FANCL: variants seen among roughly 807,000 people sequenced by gnomAD.
The protein encoded by FANCL is E3 ubiquitin-protein ligase FANCL.
Under a neutral mutation model 59.4 loss-of-function variants are expected in FANCL, and 69 were observed. The ratio of observed to expected loss-of-function variants is 1.16; its 90% CI spans 0.96 to 1.42. FANCL has a LOEUF of 1.42. Among genes scored for constraint, FANCL ranks in the 40% most tolerant of loss-of-function variants. FANCL has a pLI of 0.00. For synonymous variants in FANCL, 180 were observed against 147.1 expected (o/e 1.22, Z -1.62); for missense variants, 519 against 447.2 (o/e 1.16, Z -1.45).
intron 5 of FANCL, among the ~76,000 whole-genome samples, chr2:58,218,984 C>T (rs938776393): frequency 1.3e-5 from 2 of 150,116 alleles, no homozygotes; most frequent in African/African-American, 2.4e-5. Flanking sequence ...GAAACAACAA[C>T]ACACCAATAG....
intron 7 of FANCL, among the ~76,000 whole-genome samples, chr2:58,184,832 G>A (rs1288092299): frequency 6.6e-6 from 1 of 152,028 alleles, no homozygotes; most frequent in South Asian, 2.1e-4. Context: ...CCCAAAACGG[G>A]AGGAAACATC....
chr2:58,174,877 T>C (rs779180336), intron 7 of FANCL, among the ~76,000 whole-genome samples: 1 of 152,016 alleles, frequency 6.6e-6, no homozygotes, highest in African/African-American at 2.4e-5. Context: ...ATCAACAAAA[T>C]TGATAGACCG....
At chr2:58,233,159 T>C (rs976473782) in intron 1 of FANCL, among the ~76,000 whole-genome samples, 3 of 152,092 alleles carry the variant, frequency 2.0e-5, no homozygotes, top group Non-Finnish European at 2.9e-5. Context: ...AGGTATTATG[T>C]AGTAACTTTA....
intron 5 of FANCL, among the ~76,000 whole-genome samples, chr2:58,217,132 T>TCCATCTGCAGTGAAACACTA (rs1367350044): frequency 9.2e-6 from 1 of 109,222 alleles, no homozygotes; most frequent in Admixed American, 1.1e-4. Flanking sequence ...TATATATATT[T>TCCATCTGCAGTGAAACACTA]TTATATATAG....
intron 4 of FANCL, 121 bp from the exon 5 acceptor site, chr2:58,222,163 A>G (rs779229028): frequency 2.3e-5 from 16 of 706,666 alleles, no homozygotes; most frequent in Non-Finnish European, 3.9e-5. Flanking sequence ...CTGTTTTTTT[A>G]CGGAAATCTG....
At chr2:58,221,566 A>G (rs1313298257) in intron 5 of FANCL, among the ~76,000 whole-genome samples, 1 of 152,208 alleles carries the variant, frequency 6.6e-6, no homozygotes, top group African/African-American at 2.4e-5. Context: ...GCCAAATTGT[A>G]TATTAACCAA....
chr2:58,231,901 T>C (rs971657004), intron 2 of FANCL, among the ~76,000 whole-genome samples, 153 bp downstream of exon 2: 2 of 152,162 alleles, frequency 1.3e-5, no homozygotes, highest in East Asian at 1.9e-4. Context: ...AAATGCTGCA[T>C]TGGTTTGGAA....
intron 5 of FANCL, among the ~76,000 whole-genome samples, chr2:58,217,603 A>G (rs1340857101): frequency 1.3e-5 from 2 of 152,018 alleles, no homozygotes; most frequent in African/African-American, 2.4e-5. Flanking sequence ...ATGAAAAGAA[A>G]CATGTCCTAA....
intron 7 of FANCL, among the ~76,000 whole-genome samples, chr2:58,185,035 C>A (rs1688270411): frequency 6.6e-6 from 1 of 151,950 alleles, no homozygotes; most frequent in African/African-American, 2.4e-5. Flanking sequence ...GAGGCACAGG[C>A]CAAACAAGAG....
intron 1 of FANCL, among the ~76,000 whole-genome samples, chr2:58,238,485 G>C (rs1335271657): frequency 6.6e-6 from 1 of 152,094 alleles, no homozygotes; most frequent in Non-Finnish European, 1.5e-5. Flanking sequence ...ACATTAAAAG[G>C]ATAATAAGGG....
intron 7 of FANCL, among the ~76,000 whole-genome samples, chr2:58,197,846 T>C (rs1008662505): frequency 1.3e-5 from 2 of 152,230 alleles, no homozygotes; most frequent in African/African-American, 4.8e-5. Context: ...TGAAAAGGAT[T>C]CTCTGATATT....
chr2:58,234,569 A>G (rs1693847166), intron 1 of FANCL, among the ~76,000 whole-genome samples: 2 of 151,914 alleles, frequency 1.3e-5, no homozygotes. Context: ...AAAATAAAAT[A>G]GTAGAAAAAA....
chr2:58,232,309 C>T (rs756459114), intron 1 of FANCL, among the ~76,000 whole-genome samples, 197 bp from the exon 2 acceptor site: 4 of 152,006 alleles, frequency 2.6e-5, no homozygotes, highest in African/African-American at 9.7e-5. Flanking sequence ...AACTGTCTTA[C>T]AAAAACTTTG....
At chr2:58,183,479 G>A (rs1010052688) in intron 7 of FANCL, among the ~76,000 whole-genome samples, 1 of 151,790 alleles carries the variant, frequency 6.6e-6, no homozygotes, top group Non-Finnish European at 1.5e-5. Context: ...TCAGTGAAGA[G>A]GTCAGCATTT....
At chr2:58,192,163 G>C (rs941511284) in intron 7 of FANCL, among the ~76,000 whole-genome samples, 2 of 151,766 alleles carry the variant, frequency 1.3e-5, no homozygotes, top group African/African-American at 4.8e-5. Context: ...TAGTTTCTTT[G>C]GGTCTTTAAA....
intron 5 of FANCL, among the ~76,000 whole-genome samples, chr2:58,212,767 G>T (rs898772691): frequency 3.3e-5 from 5 of 151,688 alleles, no homozygotes; most frequent in Non-Finnish European, 2.9e-5. Flanking sequence ...AAATAACCCA[G>T]ACCTGTCATA....
intron 7 of FANCL, among the ~76,000 whole-genome samples, chr2:58,191,652 A>G (rs1201708512): frequency 6.6e-6 from 1 of 151,924 alleles, no homozygotes; most frequent in Non-Finnish European, 1.5e-5. Flanking sequence ...AGTCTTTAAC[A>G]TATACATAAT....
chr2:58,182,181 T>C (rs1335523951), intron 7 of FANCL, among the ~76,000 whole-genome samples: 1 of 151,850 alleles, frequency 6.6e-6, no homozygotes, highest in Non-Finnish European at 1.5e-5. Context: ...TCAGTAACTG[T>C]AACTTTTTCC....
At chr2:58,240,057 T>TATAG (rs1694370891) in intron 1 of FANCL, among the ~76,000 whole-genome samples, 1 of 149,308 alleles carries the variant, frequency 6.7e-6, no homozygotes, top group African/African-American at 2.5e-5. Flanking sequence ...CCTTAGCAGA[T>TATAG]ATAGACATAC....
Sources: allele counts gnomAD v4.1 joint callset (sites outside exome capture counted in the v4.1 genomes callset), GRCh38; gene constraint gnomAD v4.1.1; transcripts MANE v1.5; gene names NCBI Gene and HGNC (gene_info 2026-07-23, HGNC 2026-07-21).